Variants in CHRM3 observed in about 807,000 individuals in gnomAD.
CHRM3 encodes muscarinic acetylcholine receptor M3.
A neutral mutation model predicts 41.8 loss-of-function variants in CHRM3; 11 were observed. The observed-to-expected ratio is 0.26, with a 90% confidence interval of 0.17 to 0.44. The LOEUF is 0.44. Among genes scored for constraint, CHRM3 ranks in the 20% least tolerant of loss-of-function variants. The probability of loss-of-function intolerance (pLI) is 1.00; values close to 1 mark genes in which losing one functional copy is unlikely to be tolerated. For missense variants in CHRM3, 571 were observed against 745.4 expected (o/e 0.77, Z 2.72); for synonymous variants, 297 against 301.4 (o/e 0.99, Z 0.15).
intron 6 of CHRM3, among the ~76,000 whole-genome samples, chr1:239,875,844 T>C (rs542026194): frequency 2.0e-5 from 3 of 152,314 alleles, no homozygotes; most frequent in Non-Finnish European, 4.4e-5. Flanking sequence ...CAAGGCAATA[T>C]CAAATGAATT....
chr1:239,826,080 T>C (rs552103918), intron 5 of CHRM3, among the ~76,000 whole-genome samples: 4 of 152,158 alleles, frequency 2.6e-5, no homozygotes, highest in Non-Finnish European at 5.9e-5. Context: ...GTTTAGTGGA[T>C]AAAGAGTTTC....
intron 3 of CHRM3, among the ~76,000 whole-genome samples, chr1:239,600,437 G>T (rs1665377163): frequency 1.3e-5 from 2 of 151,950 alleles, no homozygotes. Context: ...TCCAGATTGT[G>T]TCAGGTAGGC....
At chr1:239,749,336 G>C (rs1396114507) in intron 5 of CHRM3, among the ~76,000 whole-genome samples, 1 of 152,062 alleles carries the variant, frequency 6.6e-6, no homozygotes, top group East Asian at 1.9e-4. Flanking sequence ...CAGAAGTGCT[G>C]TCCTTACCAC....
At chr1:239,857,009 G>A (rs769950425) in intron 6 of CHRM3, among the ~76,000 whole-genome samples, 42 of 152,126 alleles carry the variant, frequency 2.8e-4, no homozygotes, top group Non-Finnish European at 5.4e-4. Context: ...AGAAGAGATG[G>A]CCAGTGAATA....
At chr1:239,865,455 A>G (rs1006052499) in intron 6 of CHRM3, among the ~76,000 whole-genome samples, 8 of 152,194 alleles carry the variant, frequency 5.3e-5, no homozygotes, top group African/African-American at 1.7e-4. Context: ...TAAATTCAGG[A>G]AAGGAGGAGG....
intron 4 of CHRM3, among the ~76,000 whole-genome samples, chr1:239,644,245 A>G (rs896451222): frequency 3.9e-5 from 6 of 152,136 alleles, no homozygotes; most frequent in Non-Finnish European, 8.8e-5. Context: ...AGCAGATTCA[A>G]CCCTTGATGC....
intron 6 of CHRM3, among the ~76,000 whole-genome samples, chr1:239,879,058 C>T (rs1359586318): frequency 6.6e-6 from 1 of 152,160 alleles, no homozygotes; most frequent in Admixed American, 6.5e-5. Context: ...GAGAACTGGT[C>T]TAAGCACTGA....
chr1:239,487,016 A>G (rs1199658743), intron 1 of CHRM3, among the ~76,000 whole-genome samples: 1 of 152,214 alleles, frequency 6.6e-6, no homozygotes. Flanking sequence ...TCTAGATAGA[A>G]CTTATTGAGA....
chr1:239,810,844 G>A (rs1252606819), intron 5 of CHRM3, among the ~76,000 whole-genome samples: 1 of 152,156 alleles, frequency 6.6e-6, no homozygotes. Context: ...ATCCTGTGTT[G>A]TGCCCTGGTA....
At chr1:239,575,239 C>A (rs1207333464) in intron 3 of CHRM3, among the ~76,000 whole-genome samples, 2 of 151,986 alleles carry the variant, frequency 1.3e-5, no homozygotes. Context: ...GTATTAGCAC[C>A]TTCACATAAA....
chr1:239,777,455 G>A (rs1668180772), intron 5 of CHRM3, among the ~76,000 whole-genome samples: 1 of 152,126 alleles, frequency 6.6e-6, no homozygotes, highest in Non-Finnish European at 1.5e-5. Context: ...AATTTGTTCT[G>A]GAAGCTGTGC....
chr1:239,584,307 C>T (rs1572792558), intron 3 of CHRM3, among the ~76,000 whole-genome samples: 1 of 151,754 alleles, frequency 6.6e-6, no homozygotes, highest in Non-Finnish European at 1.5e-5. Context: ...TTTTGCCATG[C>T]TGGCCAGGCT....
chr1:239,819,170 G>T (rs374932710), intron 5 of CHRM3, among the ~76,000 whole-genome samples: 68 of 152,268 alleles, frequency 4.5e-4, no homozygotes, highest in Middle Eastern at 3.4e-3. Context: ...CTCCTTAAAA[G>T]CTCTACCTTG....
At chr1:239,668,676 A>C (rs1436714632) in intron 4 of CHRM3, among the ~76,000 whole-genome samples, 1 of 152,168 alleles carries the variant, frequency 6.6e-6, no homozygotes, top group Non-Finnish European at 1.5e-5. Flanking sequence ...ATGCTTTACC[A>C]TTCTAGGTTA....
At chr1:239,399,027 G>T (rs1052917046) in intron 1 of CHRM3, among the ~76,000 whole-genome samples, 8 of 152,126 alleles carry the variant, frequency 5.3e-5, no homozygotes, top group Non-Finnish European at 7.3e-5. Context: ...TGGAACCAAG[G>T]TCTCTTTGAA....
At chr1:239,833,469 A>G (rs1331547900) in intron 6 of CHRM3, among the ~76,000 whole-genome samples, 4 of 152,134 alleles carry the variant, frequency 2.6e-5, no homozygotes, top group Non-Finnish European at 5.9e-5. Context: ...TTCCTGGGTC[A>G]CATCTTATCC....
chr1:239,539,530 A>G (rs907879363), intron 2 of CHRM3, among the ~76,000 whole-genome samples: 1 of 152,088 alleles, frequency 6.6e-6, no homozygotes, highest in African/African-American at 2.4e-5. Context: ...TTTCTTTCTC[A>G]TATTTCTGTA....
At chr1:239,505,599 T>C (rs1018136748) in intron 2 of CHRM3, among the ~76,000 whole-genome samples, 2 of 152,200 alleles carry the variant, frequency 1.3e-5, no homozygotes, top group African/African-American at 4.8e-5. Context: ...TTTTCTTTTG[T>C]AAATGGCCCA....
intron 1 of CHRM3, among the ~76,000 whole-genome samples, chr1:239,395,958 G>A (rs2102944634): frequency 6.6e-6 from 1 of 152,224 alleles, no homozygotes; most frequent in South Asian, 2.1e-4. Flanking sequence ...TCATGGCTTG[G>A]GTTTGCATGT....
Sources: allele counts gnomAD v4.1 joint callset (sites outside exome capture counted in the v4.1 genomes callset), GRCh38; gene constraint gnomAD v4.1.1; transcripts MANE v1.5; gene names NCBI Gene and HGNC (gene_info 2026-07-23, HGNC 2026-07-21).